The following CHST8 variants were observed in gnomAD, a reference collection of about 807,000 sequenced individuals.
The protein encoded by CHST8 is GALNAC-4-ST1.
CHST8 carries 10 observed loss-of-function variants against 15.0 expected under a neutral mutation model. That is an observed-to-expected ratio of 0.67 (90% CI 0.41 to 1.13). The LOEUF is 1.13. CHST8 is among the 50% of genes most tolerant of loss of function. The probability of loss-of-function intolerance (pLI) is 0.00; values close to 1 mark genes in which losing one functional copy is unlikely to be tolerated. For synonymous variants in CHST8, 259 were observed against 256.6 expected, an observed-to-expected ratio of 1.01 and a Z score of -0.09; for missense variants, 634 against 608.2, an observed-to-expected ratio of 1.04 and a Z score of -0.45.
At chr19:33,631,245 G>A (rs1001192973) in intron 1 of CHST8, among the ~76,000 whole-genome samples, 3 of 152,156 alleles carry the variant, frequency 2.0e-5, no homozygotes, top group Non-Finnish European at 4.4e-5. Flanking sequence ...TTTCCTATGT[G>A]ATTCTTTCTC....
chr19:33,732,496 G>A (rs1974014135), intron 3 of CHST8, among the ~76,000 whole-genome samples: 3 of 151,848 alleles, frequency 2.0e-5, no homozygotes, highest in East Asian at 2.0e-4. Flanking sequence ...TCTGTAGCCA[G>A]CTGGCCAGCA....
intron 3 of CHST8, among the ~76,000 whole-genome samples, chr19:33,735,618 G>T (rs1974069434): frequency 6.6e-6 from 1 of 152,220 alleles, no homozygotes; most frequent in Non-Finnish European, 1.5e-5. Context: ...CTTGAGGTCA[G>T]AAGTTCAAGA....
chr19:33,741,580 T>TA (rs1484745048), intron 3 of CHST8, among the ~76,000 whole-genome samples: 1 of 152,128 alleles, frequency 6.6e-6, no homozygotes, highest in East Asian at 1.9e-4. Context: ...TATATCTTGA[T>TA]AGAGTTTATG....
intron 3 of CHST8, among the ~76,000 whole-genome samples, chr19:33,763,057 C>T (rs1485813232): frequency 6.6e-6 from 1 of 152,032 alleles, no homozygotes; most frequent in African/African-American, 2.4e-5. Context: ...TTAGTAGAGA[C>T]AGGGTTTCAC....
chr19:33,678,280 G>T (rs188424870), intron 2 of CHST8, among the ~76,000 whole-genome samples: 47 of 152,332 alleles, frequency 3.1e-4, no homozygotes, highest in African/African-American at 1.1e-3. Context: ...AGTGCTTCCA[G>T]GTCATTTGAA....
intron 3 of CHST8, among the ~76,000 whole-genome samples, chr19:33,753,378 C>T (rs1273799980): frequency 6.7e-6 from 1 of 148,864 alleles, no homozygotes; most frequent in South Asian, 2.1e-4. Context: ...CACCATCTCC[C>T]CACCAACTTC....
chr19:33,716,734 C>T (rs1210212959), intron 3 of CHST8, among the ~76,000 whole-genome samples: 1 of 152,124 alleles, frequency 6.6e-6, no homozygotes, highest in African/African-American at 2.4e-5. Context: ...AGGAGTCAAC[C>T]CTCTTGGTTC....
At chr19:33,722,418 G>A (rs1973817618) in intron 3 of CHST8, among the ~76,000 whole-genome samples, 1 of 152,156 alleles carries the variant, frequency 6.6e-6, no homozygotes, top group Admixed American at 6.5e-5. Context: ...AATACATGAG[G>A]GGAGGCAAAG....
chr19:33,640,173 C>T (rs539563900), intron 1 of CHST8, among the ~76,000 whole-genome samples: 3 of 152,310 alleles, frequency 2.0e-5, no homozygotes, highest in Non-Finnish European at 2.9e-5. Context: ...ATTTTATGAC[C>T]CTAATGTCAG....
At position 33,772,030 on chromosome 19, in the gene CHST8, G is replaced by C. The variant is rs946521774; in HGVS notation, c.242G>C (p.Ser81Thr). 2 of 1,611,748 alleles carry C rather than the reference G, an allele frequency of 1.2e-6. No individual in the cohort carries two copies. The highest frequency in any genetic ancestry group is 1.7e-5 in the Admixed American group (1 of 59,736). Residue 81 changes from serine to threonine, a missense_variant, in exon 5 of 5, where the codon AGT becomes ACT. Physicochemically the swap from Ser to Thr is moderately conservative, Grantham distance 58. Coordinates refer to ENST00000650847, the MANE Select transcript of CHST8 (RefSeq NM_001127895.2). ...GAGAGGGTCACTCGGGACTTATCCA[G>C]TGGGGCCCCGAGGGGCCGCAACCTG... The part of the protein sequence containing the change: ...PTERVTRDLS[S>T]GAPRGRNLPA...
chr19:33,723,083 C>T (rs576407566), intron 3 of CHST8, among the ~76,000 whole-genome samples: 47 of 152,330 alleles, frequency 3.1e-4, no homozygotes, highest in African/African-American at 1.1e-3. Flanking sequence ...TTTCCACTCC[C>T]TATGCGTGAT....
At chr19:33,644,873 A>G (rs545790463) in intron 1 of CHST8, among the ~76,000 whole-genome samples, 1 of 152,262 alleles carries the variant, frequency 6.6e-6, no homozygotes, top group Non-Finnish European at 1.5e-5. Flanking sequence ...CCTCCCTGAG[A>G]AGGTGAGATG....
At chr19:33,631,053 C>G (rs1217724156) in intron 1 of CHST8, among the ~76,000 whole-genome samples, 2 of 152,152 alleles carry the variant, frequency 1.3e-5, no homozygotes, top group African/African-American at 4.8e-5. Context: ...TAGTTGGAAT[C>G]AGTATGTGAT....
chr19:33,710,079 G>T (rs1398878634), intron 3 of CHST8, among the ~76,000 whole-genome samples: 1 of 152,090 alleles, frequency 6.6e-6, no homozygotes, highest in African/African-American at 2.4e-5. Flanking sequence ...TCTTTCTAGG[G>T]CTTTGTTCAT....
intron 2 of CHST8, among the ~76,000 whole-genome samples, chr19:33,670,799 A>G (rs936420383): frequency 6.6e-6 from 1 of 152,170 alleles, no homozygotes; most frequent in African/African-American, 2.4e-5. Flanking sequence ...CATCTCCCCT[A>G]AAGTAGTCAC....
At chr19:33,735,881 C>G (rs1177558591) in intron 3 of CHST8, among the ~76,000 whole-genome samples, 1 of 152,256 alleles carries the variant, frequency 6.6e-6, no homozygotes, top group Non-Finnish European at 1.5e-5. Flanking sequence ...AGAAGGCTTG[C>G]TCACACCTGT....
chr19:33,733,759 C>G (rs1204662448), intron 3 of CHST8, among the ~76,000 whole-genome samples: 5 of 152,182 alleles, frequency 3.3e-5, no homozygotes, highest in Admixed American at 3.3e-4. Context: ...CTTCCTTCAG[C>G]TCCGAAAGAA....
intron 3 of CHST8, among the ~76,000 whole-genome samples, chr19:33,757,527 A>G (rs1599630386): frequency 6.7e-5 from 2 of 29,878 alleles, no homozygotes; most frequent in African/African-American, 1.5e-4. Context: ...AGAAAGAGAA[A>G]GAAAGAAAGA....
chr19:33,718,508 C>A (rs1973709507), intron 3 of CHST8, among the ~76,000 whole-genome samples: 2 of 152,230 alleles, frequency 1.3e-5, no homozygotes, highest in Non-Finnish European at 2.9e-5. Flanking sequence ...GCAGGCTCAG[C>A]TAGCATGTCC....
Sources: gnomAD v4.1 joint callset for allele counts (sites outside exome capture counted in the v4.1 genomes callset) on GRCh38, gnomAD v4.1.1 for gene constraint, MANE v1.5 for transcripts, NCBI Gene and HGNC (gene_info 2026-07-23, HGNC 2026-07-21) for gene names.